The following YWHAQ variants were observed in gnomAD, a reference collection of about 807,000 sequenced individuals.
YWHAQ encodes the protein tyrosine 3-monooxygenase/tryptophan 5-monooxygenase activation protein theta.
Under a neutral mutation model 28.3 loss-of-function variants are expected in YWHAQ, and 6 were observed. That is an observed-to-expected ratio of 0.21 (90% CI 0.12 to 0.42). The LOEUF is 0.42. Ranked by LOEUF, YWHAQ falls within the 10% of genes least tolerant of loss-of-function variation. The pLI is 1.00. For missense variants in YWHAQ, 201 were observed against 305.6 expected, an observed-to-expected ratio of 0.66 and a Z score of 2.55; for synonymous variants, 143 against 119.1, an observed-to-expected ratio of 1.20 and a Z score of -1.31.
intron 2 of YWHAQ, among the ~76,000 whole-genome samples, chr2:9,593,650 G>GTTAT (rs1431687933): frequency 6.6e-6 from 1 of 151,796 alleles, no homozygotes; most frequent in Admixed American, 6.6e-5. Flanking sequence ...GCAACATAAT[G>GTTAT]GGACCCTGTC....
chr2:9,595,353 G>A (rs1380765179), intron 2 of YWHAQ, among the ~76,000 whole-genome samples: 1 of 151,892 alleles, frequency 6.6e-6, no homozygotes, highest in Admixed American at 6.6e-5. Flanking sequence ...TAAAAAACAC[G>A]GATCAGAGAC....
At chr2:9,587,784 A>G (rs1572984945) in intron 4 of YWHAQ, among the ~76,000 whole-genome samples, 1 of 152,256 alleles carries the variant, frequency 6.6e-6, no homozygotes, top group East Asian at 1.9e-4. Context: ...CCAGTTAAGT[A>G]GTACTTATCT....
At chr2:9,609,674 C>T (rs1558547634) in intron 2 of YWHAQ, among the ~76,000 whole-genome samples, 1 of 152,032 alleles carries the variant, frequency 6.6e-6, no homozygotes, top group Non-Finnish European at 1.5e-5. Context: ...TGACACATTA[C>T]CATAAAGGAA....
In YWHAQ at chr2:9,630,495, G is replaced by A. The variant is rs751552379; in HGVS notation, c.-43C>T. The A allele has an allele frequency of 9.2e-6, 14 of 1,513,614 alleles. No homozygotes were observed. The highest frequency in any genetic ancestry group is 2.5e-5 in the South Asian group (2 of 79,642). The allele number at this position is 1,513,614 out of a possible 1,614,324, so 93.8% of individuals were successfully genotyped here. On this transcript the variant is annotated 5_prime_UTR_variant, in exon 2 of 6. Coordinates refer to ENST00000238081, the MANE Select transcript of YWHAQ (RefSeq NM_006826.4). The surrounding 1 kb of genome is among the most constrained non-coding windows in gnomAD (Gnocchi z 5.6). ...GGCCGGGGCGGAGGGCGAGGAGAGC[G>A]AGGGCGAGCGCCGACCCGCAGCGGG...
At chr2:9,621,884 C>T (rs1667148532) in intron 2 of YWHAQ, among the ~76,000 whole-genome samples, 1 of 152,108 alleles carries the variant, frequency 6.6e-6, no homozygotes, top group African/African-American at 2.4e-5. Context: ...ATGTCCTTTG[C>T]AAGGACATAG....
chr2:9,593,905 A>AAAAAAT (rs1205661739), intron 2 of YWHAQ, among the ~76,000 whole-genome samples: 3 of 127,632 alleles, frequency 2.4e-5, no homozygotes, highest in Non-Finnish European at 3.3e-5. Context: ...GATTAAAAAA[A>AAAAAAT]ATATATATAT....
chr2:9,590,034 T>G (rs1052751166), intron 3 of YWHAQ, among the ~76,000 whole-genome samples: 1 of 152,188 alleles, frequency 6.6e-6, no homozygotes, highest in Admixed American at 6.6e-5. Flanking sequence ...CAATAAGAAG[T>G]TCTTGCAGCT....
chr2:9,629,386 C>T (rs1667309779), intron 2 of YWHAQ, among the ~76,000 whole-genome samples: 1 of 152,162 alleles, frequency 6.6e-6, no homozygotes, highest in Non-Finnish European at 1.5e-5. Flanking sequence ...TGTTCTCTCT[C>T]ACTAATAAGG....
chr2:9,591,309 C>G (rs944728169), intron 3 of YWHAQ, 83 bp downstream of exon 3: 2 of 1,484,106 alleles, frequency 1.3e-6, no homozygotes, highest in South Asian at 2.6e-5. Context: ...AGCCTGAAGA[C>G]TACGTATACT....
rs149149041 is a variant in YWHAQ at position 9,598,770 on chromosome 2, C to T, written c.295-7255G>A. On this transcript the variant is annotated intron_variant, in intron 2 of 5. Coordinates refer to ENST00000238081, the MANE Select transcript of YWHAQ (RefSeq NM_006826.4). Reference sequence around the variant, plus strand: ...GGGGTGCTCCCAATCTCTTCTGTCTCCTCTGGCTTACCTATTCCCTGAGAC... The same window carrying T: ...GGGGTGCTCCCAATCTCTTCTGTCTTCTCTGGCTTACCTATTCCCTGAGAC... Among the ~76,000 whole-genome samples the T allele has an allele frequency of 1.5e-3, 225 of 152,266 alleles. 1 individual carries two copies. The highest frequency in any genetic ancestry group is 5.2e-3 in the African/African-American group (218 of 41,546).
At chr2:9,624,900 G>A (rs1269517749) in intron 2 of YWHAQ, among the ~76,000 whole-genome samples, 1 of 151,650 alleles carries the variant, frequency 6.6e-6, no homozygotes, top group African/African-American at 2.4e-5. Context: ...CCGCCACTAC[G>A]CCAGGCTAAT....
chr2:9,595,824 T>C (rs1666558984), intron 2 of YWHAQ, among the ~76,000 whole-genome samples: 1 of 152,186 alleles, frequency 6.6e-6, no homozygotes, highest in African/African-American at 2.4e-5. Context: ...TTAGCAAATT[T>C]TATTATCTTG....
intron 3 of YWHAQ, among the ~76,000 whole-genome samples, chr2:9,589,361 A>T (rs1666411109): frequency 6.6e-6 from 1 of 152,190 alleles, no homozygotes; most frequent in Non-Finnish European, 1.5e-5. Flanking sequence ...AGGCAGGCAG[A>T]TCACCTGAGG....
At chr2:9,593,328 C>T (rs2125063547) in intron 2 of YWHAQ, among the ~76,000 whole-genome samples, 1 of 150,234 alleles carries the variant, frequency 6.7e-6, no homozygotes, top group South Asian at 2.1e-4. Flanking sequence ...CCTGCCTCAG[C>T]CTCCCGAGCA....
chr2:9,617,602 C>G (rs1303999666), intron 2 of YWHAQ, among the ~76,000 whole-genome samples: 1 of 152,060 alleles, frequency 6.6e-6, no homozygotes, highest in Non-Finnish European at 1.5e-5. Context: ...GGTTAAAACG[C>G]TAACTTTTAT....
rs139548271 is a variant in YWHAQ, at chr2:9,605,037, T to C, written c.295-13522A>G. On this transcript the variant is annotated intron_variant, in intron 2 of 5. Transcript: ENST00000238081. ...TACAGAATACTACTTTGAAATGATA[T>C]GTGAATTATTTTATTTATTTTGATC... 2.1e-3 allele frequency among the ~76,000 whole-genome samples: 326 copies of C among 152,298 alleles called. 2 individuals carry two copies. The highest frequency in any genetic ancestry group is 7.5e-3 in the African/African-American group (310 of 41,560).
chr2:9,623,954 A>AT (rs1458192482), intron 2 of YWHAQ, among the ~76,000 whole-genome samples: 1 of 152,158 alleles, frequency 6.6e-6, no homozygotes, highest in African/African-American at 2.4e-5. Context: ...GGAGACAACT[A>AT]TGAAGAAGTG....
intron 2 of YWHAQ, among the ~76,000 whole-genome samples, chr2:9,601,899 C>T (rs552132358): frequency 3.5e-4 from 54 of 152,116 alleles, no homozygotes; most frequent in Non-Finnish European, 6.6e-4. Context: ...TTGCCTGCCT[C>T]GGCCTCCCAA....
chr2:9,602,767 G>A (rs1394662409), intron 2 of YWHAQ, among the ~76,000 whole-genome samples: 1 of 144,070 alleles, frequency 6.9e-6, no homozygotes, highest in Non-Finnish European at 1.5e-5. Flanking sequence ...AGGCTCAAGT[G>A]GTCCTCCTGC....
Sources: gnomAD v4.1 joint callset for allele counts (sites outside exome capture counted in the v4.1 genomes callset) on GRCh38, gnomAD v4.1.1 for gene constraint, Gnocchi (gnomAD v3.1) non-coding constraint, MANE v1.5 for transcripts, NCBI Gene and HGNC (gene_info 2026-07-23, HGNC 2026-07-21) for gene names.